Variants in CNTNAP2 observed in about 807,000 individuals in gnomAD.
CNTNAP2 encodes the protein contactin-associated protein-like 2.
Under a neutral mutation model 155.2 loss-of-function variants are expected in CNTNAP2, and 98 were observed. That is an observed-to-expected ratio of 0.63 (90% CI 0.54 to 0.75). CNTNAP2 has a LOEUF of 0.75. Among genes scored for constraint, CNTNAP2 ranks in the 30% least tolerant of loss-of-function variants. CNTNAP2 has a pLI of 0.00. For synonymous variants in CNTNAP2, 651 were observed against 631.2 expected (o/e 1.03, Z -0.47); for missense variants, 1,727 against 1,688.1 (o/e 1.02, Z -0.40).
At chr7:146,804,525 G>T (rs931500399) in intron 2 of CNTNAP2, among the ~76,000 whole-genome samples, 7 of 152,088 alleles carry the variant, frequency 4.6e-5, no homozygotes, top group African/African-American at 1.7e-4. Flanking sequence ...CATAGCAAAA[G>T]AAACAAAAAT....
chr7:146,933,179 T>C (rs1478505874), intron 3 of CNTNAP2, among the ~76,000 whole-genome samples: 1 of 151,792 alleles, frequency 6.6e-6, no homozygotes, highest in African/African-American at 2.4e-5. Flanking sequence ...GCTACCTGAC[T>C]TCAAAGTATA....
At chr7:147,930,470 A>G (rs1800479925) in intron 14 of CNTNAP2, among the ~76,000 whole-genome samples, 1 of 152,242 alleles carries the variant, frequency 6.6e-6, no homozygotes, top group Admixed American at 6.5e-5. Context: ...AACTGTCATA[A>G]GAGACAAAAA....
chr7:147,374,410 A>G (rs1013889488), intron 9 of CNTNAP2, among the ~76,000 whole-genome samples: 2 of 152,222 alleles, frequency 1.3e-5, no homozygotes, highest in Non-Finnish European at 2.9e-5. Flanking sequence ...TTAAACATTC[A>G]TCTTCAAATC....
At chr7:148,212,001 G>C (rs1391001737) in intron 18 of CNTNAP2, among the ~76,000 whole-genome samples, 1 of 152,092 alleles carries the variant, frequency 6.6e-6, no homozygotes, top group Non-Finnish European at 1.5e-5. Flanking sequence ...AATATAGGTT[G>C]CAAAATATAG....
chr7:147,829,813 C>G (rs189526246), intron 13 of CNTNAP2, among the ~76,000 whole-genome samples: 5 of 152,100 alleles, frequency 3.3e-5, no homozygotes, highest in Non-Finnish European at 5.9e-5. Flanking sequence ...AGAGTGACCA[C>G]CGGGCATCTG....
intron 21 of CNTNAP2, among the ~76,000 whole-genome samples, chr7:148,302,936 A>G (rs1040510983): frequency 3.4e-5 from 5 of 146,210 alleles, no homozygotes; most frequent in Admixed American, 7.2e-5. Context: ...CTCCTGCCTC[A>G]GCTTCCTGAG....
chr7:147,065,081 T>C (rs189413839), intron 4 of CNTNAP2, among the ~76,000 whole-genome samples: 37 of 152,310 alleles, frequency 2.4e-4, no homozygotes, highest in Admixed American at 1.3e-3. Context: ...AATGCACAAA[T>C]GGACAAGAAA....
chr7:147,889,259 G>GA lies in CNTNAP2; in HGVS notation c.2099-14299dup, dbSNP rs1274311145. The stretch of plus-strand genomic sequence containing the variant: ...GTAACAATAAAAAGCAAACAAGAGA[G>GA]AAAAAAAGGTACAAATATTTGGAAA... On this transcript the variant is annotated intron_variant, in intron 13 of 23. Coordinates refer to ENST00000361727, the MANE Select transcript of CNTNAP2 (RefSeq NM_014141.6). Among the ~76,000 whole-genome samples, 6 of 151,540 alleles carry GA rather than the reference G, an allele frequency of 4.0e-5. No homozygotes were observed. In the South Asian group the frequency reaches 1.2e-3, roughly 32 times the overall value.
intron 14 of CNTNAP2, among the ~76,000 whole-genome samples, chr7:147,918,415 A>G (rs374071916): frequency 5.9e-5 from 9 of 152,350 alleles, no homozygotes; most frequent in African/African-American, 1.9e-4. Context: ...CATAGCAAAA[A>G]TTGGAAAGTT....
Position 146,867,703 on chromosome 7 carries a change from T to C in CNTNAP2, c.402+27799T>C, listed in dbSNP as rs1795232303. On this transcript the variant is annotated intron_variant, in intron 3 of 23. Coordinates refer to ENST00000361727, the MANE Select transcript of CNTNAP2 (RefSeq NM_014141.6). The stretch of plus-strand genomic sequence containing the variant: ...TCTGTTATTTTATTTACTTTTTCAT[T>C]GTAGCCATTCTGACTGGCGTGAGGT... Among the ~76,000 whole-genome samples the C allele has an allele frequency of 2.6e-5, 4 of 152,050 alleles. No homozygotes were observed. In the South Asian group the frequency reaches 8.3e-4, roughly 31 times the overall value.
intron 13 of CNTNAP2, among the ~76,000 whole-genome samples, chr7:147,654,319 A>G (rs1257124233): frequency 6.6e-6 from 1 of 152,234 alleles, no homozygotes; most frequent in African/African-American, 2.4e-5. Context: ...TTGTTTAAAT[A>G]TAGGTGTTAG....
chr7:146,657,640 T>C (rs1314330117), intron 1 of CNTNAP2, among the ~76,000 whole-genome samples: 1 of 152,164 alleles, frequency 6.6e-6, no homozygotes, highest in Non-Finnish European at 1.5e-5. Context: ...TTTTGTTCTC[T>C]AAACTACTAG....
chr7:146,955,135 A>G lies in CNTNAP2; in HGVS notation c.403-88772A>G, dbSNP rs184569058. ...TTAGGTACCCACTTGAGCAAAACTT[A>G]TAATATAGATTTAATCATATATTCA... On this transcript the variant is annotated intron_variant, in intron 3 of 23. Transcript: ENST00000361727. Among the ~76,000 whole-genome samples the G allele has an allele frequency of 1.7e-3, 260 of 152,144 alleles. 1 individual carries two copies. The highest frequency in any genetic ancestry group is 6.0e-3 in the African/African-American group (250 of 41,582).
chr7:147,583,498 C>A (rs1450841279), intron 12 of CNTNAP2, among the ~76,000 whole-genome samples: 1 of 93,758 alleles, frequency 1.1e-5, no homozygotes, highest in Non-Finnish European at 2.0e-5. Flanking sequence ...ATATAAAAGA[C>A]ATGACATATA....
intron 2 of CNTNAP2, among the ~76,000 whole-genome samples, chr7:146,779,885 G>A (rs1802452988): frequency 6.6e-6 from 1 of 152,200 alleles, no homozygotes; most frequent in Non-Finnish European, 1.5e-5. Context: ...TATCAAAGGA[G>A]TATGTGAATA....
Position 147,767,705 on chromosome 7 carries a change from T to C in CNTNAP2, c.2098+128399T>C, listed in dbSNP as rs553484423. Among the ~76,000 whole-genome samples the C allele has an allele frequency of 2.6e-5, 4 of 152,116 alleles. No individual in the cohort carries two copies. The South Asian group carries it at 8.3e-4, about 32-fold the overall frequency. On this transcript the variant is annotated intron_variant, in intron 13 of 23. Transcript: ENST00000361727. ...GAAAGGTGAGGCTGAATCCATAGTG[T>C]TTGCAGTATCCAGATAGGTGAAGTA...
intron 8 of CNTNAP2, among the ~76,000 whole-genome samples, chr7:147,284,034 C>A (rs1805116917): frequency 6.6e-6 from 1 of 151,362 alleles, no homozygotes; most frequent in Non-Finnish European, 1.5e-5. Context: ...TCTCTTTCAT[C>A]TCTGTAGGTG....
At chr7:146,547,714 A>AT (rs1420102814) in intron 1 of CNTNAP2, among the ~76,000 whole-genome samples, 1 of 151,958 alleles carries the variant, frequency 6.6e-6, no homozygotes, top group Non-Finnish European at 1.5e-5. Context: ...CCATTAATGA[A>AT]CACTTAGGTT....
chr7:147,396,991 A>T (rs1057400563), intron 10 of CNTNAP2, among the ~76,000 whole-genome samples: 3 of 152,062 alleles, frequency 2.0e-5, no homozygotes, highest in African/African-American at 4.8e-5. Context: ...TTTTACAAAC[A>T]TATAAAATAA....
Sources: allele counts gnomAD v4.1 joint callset (sites outside exome capture counted in the v4.1 genomes callset), GRCh38; gene constraint gnomAD v4.1.1; transcripts MANE v1.5; gene names NCBI Gene and HGNC (gene_info 2026-07-23, HGNC 2026-07-21).